The following TDRD12 variants were observed in gnomAD, a reference collection of about 807,000 sequenced individuals.
TDRD12 encodes putative ATP-dependent RNA helicase TDRD12.
In TDRD12, 158 loss-of-function variants were observed where a neutral mutation model predicts 133.5. The observed-to-expected ratio is 1.18, with a 90% CI of 1.04 to 1.35. The LOEUF is 1.35. Among genes scored for constraint, TDRD12 ranks in the 40% most tolerant of loss-of-function variants. The pLI is 0.00. For synonymous variants in TDRD12, 460 were observed against 477.9 expected (o/e 0.96, Z 0.49); for missense variants, 1,443 against 1,321.3 (o/e 1.09, Z -1.43).
At chr19:32,804,691 C>CAA (rs34907310) in intron 21 of TDRD12, among the ~76,000 whole-genome samples, 51 of 121,154 alleles carry the variant, frequency 4.2e-4, no homozygotes, top group South Asian at 1.1e-3. Flanking sequence ...GATTCTGTCT[C>CAA]AAAAAAAAAA....
At chr19:32,732,594 C>T (rs530847468) in intron 2 of TDRD12, among the ~76,000 whole-genome samples, 24 of 152,326 alleles carry the variant, frequency 1.6e-4, no homozygotes, top group Non-Finnish European at 3.1e-4. Context: ...CGTGGCCCCT[C>T]CTTGCCTTCT....
Position 32,734,827 on chromosome 19 carries a change from A to T in TDRD12, c.183+2944A>T, listed in dbSNP as rs113919484. On this transcript the variant is annotated intron_variant, in intron 2 of 27. Transcript: ENST00000444215. ...GGTCCTCACTTCATGTCTCTGTGTCACATCTTGGTAATTCTCCCAGTGTTT... is the reference window on the plus strand; with the variant it reads ...GGTCCTCACTTCATGTCTCTGTGTCTCATCTTGGTAATTCTCCCAGTGTTT... Among the ~76,000 whole-genome samples the T allele has an allele frequency of 7.4e-3, 1,131 of 152,192 alleles. 19 individuals carry two copies. The highest frequency in any genetic ancestry group is 0.026 in the African/African-American group (1,073 of 41,516).
intron 13 of TDRD12, among the ~76,000 whole-genome samples, chr19:32,792,811 G>A (rs935230019): frequency 2.6e-5 from 4 of 152,198 alleles, no homozygotes; most frequent in African/African-American, 9.6e-5. Context: ...CTTCAAGAGA[G>A]ATGAAACTGG....
chr19:32,767,890 T>C (rs1970342788), intron 8 of TDRD12, among the ~76,000 whole-genome samples: 1 of 152,240 alleles, frequency 6.6e-6, no homozygotes, highest in Non-Finnish European at 1.5e-5. Context: ...GGGCCAAATC[T>C]GGTCTACCAC....
At chr19:32,827,013 CCTG>C (rs1157999205) in intron 9 of TDRD12, among the ~76,000 whole-genome samples, 148 bp from the exon 33 acceptor site, 2 of 152,140 alleles carry the variant, frequency 1.3e-5, no homozygotes, top group African/African-American at 2.4e-5. Flanking sequence ...ACCAATTTGA[CCTG>C]CTCATTTCTT....
chr19:32,730,121 A>G (rs896303893), intron 1 of TDRD12, among the ~76,000 whole-genome samples: 4 of 151,874 alleles, frequency 2.6e-5, no homozygotes, highest in Admixed American at 1.3e-4. Context: ...CCTTCCCACC[A>G]TTGGTCTTCT....
At chr19:32,807,378 TTG>T (rs1235383484) in intron 21 of TDRD12, among the ~76,000 whole-genome samples, 169 bp from the exon 22 acceptor site, 14 of 152,120 alleles carry the variant, frequency 9.2e-5, no homozygotes, top group African/African-American at 3.1e-4. Context: ...TTTCACTTAT[TTG>T]TATATTATTA....
intron 12 of TDRD12, 157 bp downstream of exon 12, chr19:32,790,748 A>G: frequency 6.6e-7 from 1 of 1,525,806 alleles, no homozygotes; most frequent in African/African-American, 1.4e-5. Context: ...GATCGAATGG[A>G]TTGTTGCTTC....
intron 26 of TDRD12, among the ~76,000 whole-genome samples, chr19:32,816,148 T>C (rs1198476389): frequency 2.0e-5 from 3 of 152,182 alleles, no homozygotes; most frequent in Non-Finnish European, 4.4e-5. Context: ...ATCTCAAATA[T>C]AGTATTTTAC....
At chr19:32,802,236 A>G (rs1971419529) in intron 19 of TDRD12, among the ~76,000 whole-genome samples, 1 of 147,156 alleles carries the variant, frequency 6.8e-6, no homozygotes, top group African/African-American at 2.5e-5. Context: ...CATATATATG[A>G]TAGTGATATA....
At chr19:32,772,155 C>T (rs1437066641) in intron 8 of TDRD12, among the ~76,000 whole-genome samples, 7 of 152,166 alleles carry the variant, frequency 4.6e-5, no homozygotes, top group East Asian at 1.9e-4. Flanking sequence ...GACTCAGGCA[C>T]GTTCTGGCAG....
chr19:32,741,217 G>T (rs916233719), intron 3 of TDRD12, among the ~76,000 whole-genome samples: 1 of 152,218 alleles, frequency 6.6e-6, no homozygotes, highest in Non-Finnish European at 1.5e-5. Context: ...GAGTAGTTGG[G>T]ACTACAGGCG....
At chr19:32,720,046 G>A (rs979824225) in exon 1 of TDRD12, 4 of 1,547,698 alleles carry the variant, frequency 2.6e-6, no homozygotes, top group Middle Eastern at 1.7e-4. Context: ...GGGCGAGGGG[G>A]CCCATCTGCC....
downstream of TDRD12, chr19:32,826,022 G>A (rs1049455537): frequency 9.5e-7 from 1 of 1,049,628 alleles, no homozygotes; most frequent in Non-Finnish European, 1.4e-6. Flanking sequence ...GTACAAAAAA[G>A]TATATATATA....
chr19:32,814,501 A>G (rs1350269452), intron 25 of TDRD12, among the ~76,000 whole-genome samples: 2 of 152,240 alleles, frequency 1.3e-5, no homozygotes, highest in Admixed American at 6.5e-5. Context: ...GACTAAGCAG[A>G]AAATGGTTTT....
chr19:32,776,087 A>G (rs567897740), intron 10 of TDRD12, among the ~76,000 whole-genome samples: 78 of 152,058 alleles, frequency 5.1e-4, no homozygotes, highest in African/African-American at 1.9e-3. Flanking sequence ...GCTTGGGGCG[A>G]GTTGGGGCTT....
chr19:32,825,814 A>T (rs1027963514), downstream of TDRD12, among the ~76,000 whole-genome samples: 1 of 152,164 alleles, frequency 6.6e-6, no homozygotes, highest in Non-Finnish European at 1.5e-5. This position sits in a 1 kb window ranked among gnomAD's most constrained non-coding sequence, Gnocchi z 4.1. Flanking sequence ...TCGAAGGCAG[A>T]GGTTGCAGTG....
At chr19:32,818,283 G>T in intron 27 of TDRD12, 126 bp downstream of exon 27, 1 of 608,368 alleles carries the variant, frequency 1.6e-6, no homozygotes. Flanking sequence ...TGGGCTGTGA[G>T]TTCCAGGAGC....
intron 2 of TDRD12, among the ~76,000 whole-genome samples, chr19:32,737,042 A>T (rs1969245495): frequency 6.6e-6 from 1 of 152,210 alleles, no homozygotes; most frequent in African/African-American, 2.4e-5. Flanking sequence ...AAGATCACCT[A>T]ATACAAAGCC....
Sources: gnomAD v4.1 joint callset for allele counts (sites outside exome capture counted in the v4.1 genomes callset) on GRCh38, gnomAD v4.1.1 for gene constraint, Gnocchi (gnomAD v3.1) non-coding constraint, MANE v1.5 for transcripts, NCBI Gene and HGNC (gene_info 2026-07-23, HGNC 2026-07-21) for gene names.